Variants in ATP7A observed in about 807,000 individuals in gnomAD.
ATP7A encodes ATPase copper transporting alpha, also known as copper-transporting ATPase 1.
In ATP7A, 7 loss-of-function variants were observed where a neutral mutation model predicts 83.5. The observed-to-expected ratio is 0.08, with a 90% CI of 0.05 to 0.16. ATP7A has a LOEUF of 0.16. ATP7A is among the 10% of genes least tolerant of loss of function. The pLI is 1.00. For synonymous variants in ATP7A, 354 were observed against 395.2 expected (o/e 0.90, Z 1.24); for missense variants, 940 against 1,120.8 (o/e 0.84, Z 2.30).
intron 1 of ATP7A, among the ~76,000 whole-genome samples, chrX:77,945,065 G>T (rs527536501): frequency 1.8e-5 from 2 of 111,170 alleles, no homozygotes; most frequent in African/African-American, 6.5e-5. Flanking sequence ...TGGCCAGGCT[G>T]GTCTTGAATT....
chrX:78,015,967 C>G (rs1299768504), intron 12 of ATP7A, 86 bp downstream of exon 12: 24 of 1,014,585 alleles, frequency 2.4e-5, no homozygotes, highest in Non-Finnish European at 2.9e-5. Context: ...CTATGAATAA[C>G]TAAATTATGA....
chrX:78,011,392 TTTACCCA>T, intron 8 of ATP7A, 50 bp from the exon 9 acceptor site: 1 of 1,086,231 alleles, frequency 9.2e-7, no homozygotes, highest in Non-Finnish European at 1.3e-6. Context: ...ATGTAGAATC[TTTACCCA>T]TTAGCTATTT....
At chrX:78,023,872 T>C (rs1359135573) in intron 14 of ATP7A, among the ~76,000 whole-genome samples, 9 of 111,888 alleles carry the variant, frequency 8.0e-5, no homozygotes, top group African/African-American at 2.9e-4. Context: ...ATTCTTTCCC[T>C]AGGATAATGT....
intron 1 of ATP7A, among the ~76,000 whole-genome samples, chrX:77,956,787 CT>C (rs1190825208): frequency 8.0e-4 from 43 of 53,785 alleles, no homozygotes; most frequent in African/African-American, 2.7e-3. Flanking sequence ...TTCTTTCTTT[CT>C]CTTTCTTTCT....
At chrX:78,023,450 G>A (rs1257914482) in intron 14 of ATP7A, among the ~76,000 whole-genome samples, 2 of 104,169 alleles carry the variant, frequency 1.9e-5, no homozygotes, top group Admixed American at 1.0e-4. Flanking sequence ...TCTCTGCATC[G>A]TTGCCAACAT....
At chrX:78,026,523 A>T (rs1181449591) in intron 14 of ATP7A, among the ~76,000 whole-genome samples, 1 of 111,880 alleles carries the variant, frequency 8.9e-6, no homozygotes, top group Non-Finnish European at 1.9e-5. Context: ...CACTAGAGAG[A>T]TCATCAAGGA....
chrX:78,048,458 A>G lies in ATP7A; in HGVS notation c.*1888A>G, dbSNP rs1013555145. 8.9e-6 allele frequency: 1 copy of G among 112,120 alleles called. No homozygotes were observed. The highest frequency in any genetic ancestry group is 9.5e-5 in the Admixed American group (1 of 10,509). The allele number at this position is 112,120 out of a possible 1,213,427, so 9.2% of individuals were successfully genotyped here. On this transcript the variant is annotated 3_prime_UTR_variant, in exon 23 of 23. Transcript: ENST00000341514. The stretch of plus-strand genomic sequence containing the variant: ...CATTTTTCTAGAGCAGAGTCTTAAA[A>G]TCAGGTGGGGGTAGGGGATGGAGTT...
chrX:77,980,823 CA>C (rs1557230830), intron 2 of ATP7A, among the ~76,000 whole-genome samples: 1 of 111,281 alleles, frequency 9.0e-6, no homozygotes, highest in African/African-American at 3.3e-5. Context: ...TGCCTGTCAC[CA>C]TGCCTGGCTA....
chrX:77,958,402 T>C (rs929865374), intron 1 of ATP7A, among the ~76,000 whole-genome samples: 3 of 111,819 alleles, frequency 2.7e-5, no homozygotes, highest in African/African-American at 6.5e-5. Flanking sequence ...GAAAATCAGA[T>C]GGCTGTAGGT....
At position 78,049,323 on chromosome X, in the gene ATP7A, G is replaced by T. The variant is rs1364314200; in HGVS notation, c.*2753G>T. ...ATACATACATATTACCATACTGAAG[G>T]GAAATGGATTTATATTTGAATTTGA... is the stretch of plus-strand genomic sequence containing the variant. On this transcript the variant is annotated 3_prime_UTR_variant, in exon 23 of 23. Transcript: ENST00000341514. The T allele has an allele frequency of 4.5e-5, 5 of 111,759 alleles. No homozygotes were observed. The highest frequency in any genetic ancestry group is 1.6e-4 in the African/African-American group (5 of 30,682). The allele number at this position is 111,759 out of a possible 1,213,427, so 9.2% of individuals were successfully genotyped here. A position where few individuals can be genotyped will look rare whatever the true frequency, so the allele number is the denominator to read the frequency against.
At chrX:77,946,853 A>G (rs2077382973) in intron 1 of ATP7A, among the ~76,000 whole-genome samples, 1 of 110,956 alleles carries the variant, frequency 9.0e-6, no homozygotes, top group Non-Finnish European at 1.9e-5. Flanking sequence ...GGTGGTTCCT[A>G]AAAATATTAA....
intron 1 of ATP7A, among the ~76,000 whole-genome samples, chrX:77,960,232 T>G (rs1356248124): frequency 1.8e-5 from 2 of 111,353 alleles, no homozygotes; most frequent in African/African-American, 6.5e-5. Flanking sequence ...AATACAAAAA[T>G]TACCTGGGGC....
intron 17 of ATP7A, among the ~76,000 whole-genome samples, chrX:78,035,259 C>T (rs1327363324): frequency 6.3e-5 from 7 of 111,711 alleles, no homozygotes; most frequent in Admixed American, 3.8e-4. Flanking sequence ...GGCTCCATGC[C>T]GATCTATCTA....
intron 1 of ATP7A, among the ~76,000 whole-genome samples, chrX:77,929,636 CTTT>C (rs782018510): frequency 1.0e-5 from 1 of 96,370 alleles, no homozygotes. Flanking sequence ...TTTTCTTTTT[CTTT>C]TTTTTTTTTT....
intron 1 of ATP7A, among the ~76,000 whole-genome samples, chrX:77,947,251 G>C (rs2077385241): frequency 9.0e-6 from 1 of 110,737 alleles, no homozygotes; most frequent in African/African-American, 3.3e-5. Context: ...TGGTTACCAG[G>C]GTCTGAAGGG....
rs1327297827 is a variant in ATP7A at position 78,033,462 on chromosome X, C to T, written c.3295-143C>T. 3 of 562,947 alleles carry T rather than the reference C, an allele frequency of 5.3e-6. No individual in the cohort carries two copies. The African/African-American group carries it at 6.9e-5, about 13-fold the overall frequency. The allele number at this position is 562,947 out of a possible 1,213,427, so 46.4% of individuals were successfully genotyped here. Reference sequence around the variant, plus strand: ...ATGTTTGATGCTCTATTCCTTTGTCCTTATCAAAATCCACTGTCAAGTAGG... The same window carrying T: ...ATGTTTGATGCTCTATTCCTTTGTCTTTATCAAAATCCACTGTCAAGTAGG... On this transcript the variant is annotated intron_variant, in intron 16 of 22. Coordinates refer to ENST00000341514, the MANE Select transcript of ATP7A (RefSeq NM_000052.7).
At chrX:77,993,130 C>G (rs2077679520) in intron 4 of ATP7A, among the ~76,000 whole-genome samples, 1 of 112,016 alleles carries the variant, frequency 8.9e-6, no homozygotes, top group Non-Finnish European at 1.9e-5. Flanking sequence ...ATTCCTATGC[C>G]TCTTACATAT....
chrX:77,929,501 A>T (rs1280561828), intron 1 of ATP7A, among the ~76,000 whole-genome samples: 1 of 112,040 alleles, frequency 8.9e-6, no homozygotes, highest in Non-Finnish European at 1.9e-5. Context: ...TAGGCAAAGG[A>T]GCTCTCACTA....
chrX:77,951,051 A>G (rs1228920772), intron 1 of ATP7A, among the ~76,000 whole-genome samples: 1 of 111,547 alleles, frequency 9.0e-6, no homozygotes, highest in Non-Finnish European at 1.9e-5. Flanking sequence ...AAAATTTAAA[A>G]AAGTCAAATT....
Sources: gnomAD v4.1 joint callset for allele counts (sites outside exome capture counted in the v4.1 genomes callset) on GRCh38, gnomAD v4.1.1 for gene constraint, MANE v1.5 for transcripts, NCBI Gene and HGNC (gene_info 2026-07-23, HGNC 2026-07-21) for gene names.